Variants in TIAM1 observed in about 807,000 individuals in gnomAD.
The protein encoded by TIAM1 is rho guanine nucleotide exchange factor TIAM1.
In TIAM1, 65 loss-of-function variants were observed where a neutral mutation model predicts 163.5. The ratio of observed to expected loss-of-function variants is 0.40; its 90% CI spans 0.33 to 0.49. The LOEUF is 0.49. Ranked by LOEUF, TIAM1 falls within the 20% of genes least tolerant of loss-of-function variation. The pLI, the probability that TIAM1 is intolerant of heterozygous loss-of-function variation, is 0.77. For missense variants in TIAM1, 1,789 were observed against 2,044.7 expected (o/e 0.87, Z 2.41); for synonymous variants, 833 against 810.1 (o/e 1.03, Z -0.48).
At chr21:31,469,780 C>T (rs1174541557) in intron 1 of TIAM1, among the ~76,000 whole-genome samples, 1 of 151,710 alleles carries the variant, frequency 6.6e-6, no homozygotes, top group Non-Finnish European at 1.5e-5. Context: ...TGCAGTGAGC[C>T]AAGATCGCGC....
At chr21:31,205,627 T>C (rs2086411187) in intron 11 of TIAM1, among the ~76,000 whole-genome samples, 1 of 152,212 alleles carries the variant, frequency 6.6e-6, no homozygotes, top group Admixed American at 6.5e-5. Context: ...AATTGTGTAA[T>C]GCATTGCAGA....
At chr21:31,311,706 C>T (rs774007487) in intron 2 of TIAM1, among the ~76,000 whole-genome samples, 3 of 152,118 alleles carry the variant, frequency 2.0e-5, no homozygotes, top group Admixed American at 6.5e-5. Context: ...TTAACCTCTG[C>T]GGCCAGAAAG....
intron 4 of TIAM1, among the ~76,000 whole-genome samples, chr21:31,260,373 G>C (rs769380195): frequency 5.0e-4 from 76 of 151,570 alleles, no homozygotes; most frequent in Non-Finnish European, 8.8e-4. Flanking sequence ...GAGTAGTTGG[G>C]ATTACAGGCA....
intron 2 of TIAM1, among the ~76,000 whole-genome samples, chr21:31,362,479 A>ATTATTATTAT (rs1191164944): frequency 7.6e-5 from 11 of 145,396 alleles, no homozygotes; most frequent in African/African-American, 2.8e-4. Flanking sequence ...TATTATTATT[A>ATTATTATTAT]TATTTGAGAA....
At chr21:31,539,862 A>G (rs1317346433) in intron 1 of TIAM1, among the ~76,000 whole-genome samples, 1 of 152,016 alleles carries the variant, frequency 6.6e-6, no homozygotes, top group African/African-American at 2.4e-5. Context: ...GGCAGTACTC[A>G]CCTTTTGAGG....
intron 6 of TIAM1, among the ~76,000 whole-genome samples, chr21:31,243,209 A>ATATATAT (rs1555902485): frequency 3.4e-3 from 395 of 117,192 alleles, no homozygotes; most frequent in African/African-American, 0.014. Flanking sequence ...AAAAAAAAAA[A>ATATATAT]ATATATATAT....
At chr21:31,212,112 C>G (rs2086914362) in intron 10 of TIAM1, among the ~76,000 whole-genome samples, 1 of 152,118 alleles carries the variant, frequency 6.6e-6, no homozygotes, top group South Asian at 2.1e-4. Context: ...AGACAGTGGC[C>G]ATGGATGAGT....
At chr21:31,536,562 G>C (rs940124332) in intron 1 of TIAM1, among the ~76,000 whole-genome samples, 2 of 152,234 alleles carry the variant, frequency 1.3e-5, no homozygotes, top group African/African-American at 4.8e-5. Flanking sequence ...TTGGTTAAAA[G>C]TAATGGCAAA....
At chr21:31,546,238 G>C (rs993300508) in intron 1 of TIAM1, among the ~76,000 whole-genome samples, 4 of 135,514 alleles carry the variant, frequency 3.0e-5, no homozygotes, top group Admixed American at 2.9e-4. Flanking sequence ...TACCCAGGTA[G>C]AAGGAAAAAA....
intron 13 of TIAM1, among the ~76,000 whole-genome samples, chr21:31,193,783 G>A (rs1421309428): frequency 1.3e-5 from 2 of 152,170 alleles, no homozygotes; most frequent in African/African-American, 2.4e-5. Context: ...AGCTTACACC[G>A]GTGAGTGCCG....
At chr21:31,261,537 C>T (rs1230903062) in intron 4 of TIAM1, among the ~76,000 whole-genome samples, 1 of 152,028 alleles carries the variant, frequency 6.6e-6, no homozygotes, top group African/African-American at 2.4e-5. Flanking sequence ...CATGGTGAAA[C>T]CCTGTTTCTA....
rs1029510053 is a variant in TIAM1, at chr21:31,325,307, T to G, written c.-189+13936A>C. Among the ~76,000 whole-genome samples the G allele has an allele frequency of 9.3e-5, 14 of 151,312 alleles. No individual in the cohort carries two copies. In the South Asian group the frequency reaches 1.3e-3, roughly 14 times the overall value. On this transcript the variant is annotated intron_variant, in intron 2 of 27. Coordinates refer to ENST00000541036, the MANE Select transcript of TIAM1 (RefSeq NM_001353694.2). Reference sequence around the variant, plus strand: ...GTCTCAAAAAAAAAAAAAAATTAGTTTTTAGTTTCATACTACTAGAGAAGA... The same window carrying G: ...GTCTCAAAAAAAAAAAAAAATTAGTGTTTAGTTTCATACTACTAGAGAAGA...
chr21:31,174,935 C>T (rs1013960356), intron 15 of TIAM1, among the ~76,000 whole-genome samples: 2 of 152,208 alleles, frequency 1.3e-5, no homozygotes, highest in South Asian at 4.2e-4. Context: ...CGTGAGCCAT[C>T]GTGCCCAGCC....
intron 1 of TIAM1, among the ~76,000 whole-genome samples, chr21:31,519,064 T>C (rs1165016649): frequency 6.6e-6 from 1 of 151,870 alleles, no homozygotes; most frequent in Non-Finnish European, 1.5e-5. Flanking sequence ...ATCCCAGCAC[T>C]TTGGGAGGCT....
chr21:31,390,646 C>CA (rs919051642), intron 2 of TIAM1, among the ~76,000 whole-genome samples: 3 of 152,258 alleles, frequency 2.0e-5, no homozygotes, highest in African/African-American at 7.2e-5. Flanking sequence ...AATTTTTAAG[C>CA]AAAACTTCAT....
rs2085657981 is a variant in TIAM1 at position 31,193,287 on chromosome 21, CCT to C, written c.2575+1935_2575+1936del. ...TGGATTTTGGGAGGGTTCCCAACAC[CCT>C]GAGTGGCTCACAGTGCCTAAACTGT... On this transcript the variant is annotated intron_variant, in intron 13 of 27. Coordinates refer to ENST00000541036, the MANE Select transcript of TIAM1 (RefSeq NM_001353694.2). 3.3e-5 allele frequency among the ~76,000 whole-genome samples: 5 copies of C among 152,176 alleles called. No individual in the cohort carries two copies. The South Asian group carries it at 6.2e-4, about 19-fold the overall frequency.
intron 2 of TIAM1, among the ~76,000 whole-genome samples, chr21:31,440,763 C>T (rs1161039167): frequency 6.6e-6 from 1 of 152,130 alleles, no homozygotes; most frequent in Admixed American, 6.5e-5. Context: ...TGCCTGTAAT[C>T]CCAGCTACTG....
At chr21:31,170,805 A>G (rs530779912) in intron 15 of TIAM1, among the ~76,000 whole-genome samples, 88 of 152,164 alleles carry the variant, frequency 5.8e-4, no homozygotes, top group African/African-American at 1.6e-3. Context: ...TGGGAGGCAG[A>G]GGCAGGCGGA....
chr21:31,267,516 A>ATTTT (rs34794925), intron 3 of TIAM1, among the ~76,000 whole-genome samples: 5 of 138,014 alleles, frequency 3.6e-5, no homozygotes, highest in African/African-American at 1.3e-4. Context: ...TCGTTTTTTC[A>ATTTT]TTTTTTTTTT....
Sources: gnomAD v4.1 joint callset for allele counts (sites outside exome capture counted in the v4.1 genomes callset) on GRCh38, gnomAD v4.1.1 for gene constraint, MANE v1.5 for transcripts, NCBI Gene and HGNC (gene_info 2026-07-23, HGNC 2026-07-21) for gene names.